The following ADAM30 variants were observed in gnomAD, a reference collection of about 807,000 sequenced individuals.
ADAM30 encodes the protein ADAM metallopeptidase domain 30, also known as disintegrin and metalloproteinase domain-containing protein 30.
For synonymous variants in ADAM30, 382 were observed against 340.9 expected, an observed-to-expected ratio of 1.12 and a Z score of -1.33; for missense variants, 960 against 959.4, an observed-to-expected ratio of 1.00 and a Z score of -0.01.
Position 119,894,005 on chromosome 1 carries a change from T to G in ADAM30, c.2332A>C (p.Lys778Gln). Residue 778 changes from lysine to glutamine, a missense_variant, in exon 1 of 1, where the codon AAA (lysine) becomes CAA (glutamine). Physicochemically the swap from Lys to Gln is moderately conservative, Grantham distance 53. Coordinates refer to ENST00000369400, the MANE Select transcript of ADAM30 (RefSeq NM_021794.4). ...TTGACACTCTTTGCTTTGGGTCGTT[T>G]ACTTTCAATGTTTGCTTTAGATTCT... ...QEESKANIES[K>Q]RPKAKSVKKQ... 1 of 1,613,166 alleles carries G rather than the reference T, an allele frequency of 6.2e-7. No individual in the cohort carries two copies. Among genetic ancestry groups the G allele is most frequent in the Non-Finnish European group, 8.5e-7 (1 of 1,179,860 alleles).
In ADAM30 at chr1:119,895,147, T is replaced by TAACC. The variant is rs771336391; in HGVS notation, c.1186_1189dup (p.Tyr397TrpfsTer5). 6.2e-7 allele frequency: 1 copy of TAACC among 1,614,188 alleles called. No individual in the cohort carries two copies. Among genetic ancestry groups the TAACC allele is most frequent in the Non-Finnish European group, 8.5e-7 (1 of 1,180,046 alleles). On this transcript the variant is annotated frameshift_variant, in exon 1 of 1. Coordinates refer to ENST00000369400, the MANE Select transcript of ADAM30 (RefSeq NM_021794.4). LOFTEE classifies it low-confidence loss of function (END_TRUNC). ...TTTGTTTCCACATCTCTTAAGCACA[T>TAACC]AACCTAGTCCTGGGATATTATTTAG...
In ADAM30 at chr1:119,895,880, G is replaced by A. The variant is rs1297325184; in HGVS notation, c.457C>T (p.Pro153Ser). Residue 153 changes from proline to serine, a missense_variant, in exon 1 of 1, where the codon CCC becomes TCC. By Grantham distance (74) the Pro-to-Ser change is moderately conservative. Transcript: ENST00000369400. ...AGATAGACGACATGTTCAAAACTGG[G>A]AGAGGCCTTGAGGGGCTCAATTTGG... ...HYQIEPLKAS[P>S]SFEHVVYLLK... 1 of 1,614,110 alleles carries A rather than the reference G, an allele frequency of 6.2e-7. No individual in the cohort carries two copies. Among genetic ancestry groups the A allele is most frequent in the Non-Finnish European group, 8.5e-7 (1 of 1,180,028 alleles).
rs1648530472 is a variant in ADAM30 at position 119,894,752 on chromosome 1, T to C, written c.1585A>G (p.Ile529Val). 1 of 1,614,190 alleles carries C rather than the reference T, an allele frequency of 6.2e-7. No individual in the cohort carries two copies. Among genetic ancestry groups the C allele is most frequent in the Non-Finnish European group, 8.5e-7 (1 of 1,179,986 alleles). Residue 529 changes from isoleucine (I) to valine (V), a missense_variant, in exon 1 of 1, where the codon ATA (isoleucine) becomes GTA (valine). Physicochemically the swap from Ile to Val is conservative, Grantham distance 29 (BLOSUM62 3). Coordinates refer to ENST00000369400, the MANE Select transcript of ADAM30 (RefSeq NM_021794.4). ...TCACAGTTACCAAATTGATCACCTA[T>C]TAAGTTAACTGCATCATAGCACTCA... ...PSECYDAVNL[I>V]GDQFGNCEIT...
chr1:119,895,437 T>C lies in ADAM30; in HGVS notation c.900A>G (p.Lys300=), dbSNP rs1571136030. The change falls in exon 1 of 1, where the codon AAA becomes AAG. Residue 300 remains lysine (K), a synonymous_variant. Transcript: ENST00000369400. ...ACGACCATGCAAGAGCATCATTATA[T>C]TTTCTTTGAAGATATAAATGTGCCC... ...SDWAHLYLQR[K]YNDALAWSFG... The C allele has an allele frequency of 1.2e-6, 2 of 1,613,754 alleles. No homozygotes were observed. Among genetic ancestry groups the C allele is most frequent in the Non-Finnish European group, 1.7e-6 (2 of 1,179,974 alleles).
rs1308146924 is a variant in ADAM30 at position 119,893,992 on chromosome 1, G to A, written c.2345C>T (p.Ala782Val). ...CTTTTTTTGTTTCTTGACACTCTTT[G>A]CTTTGGGTCGTTTACTTTCAATGTT... ...KANIESKRPK[A>V]KSVKKQKK Residue 782 changes from alanine to valine, a missense_variant, in exon 1 of 1, where the codon GCA becomes GTA. By Grantham distance (64) the Ala-to-Val change is moderately conservative. Transcript: ENST00000369400. The A allele has an allele frequency of 6.2e-7, 1 of 1,612,604 alleles. No individual in the cohort carries two copies. The highest frequency in any genetic ancestry group is 8.5e-7 in the Non-Finnish European group (1 of 1,179,726).
In ADAM30 at chr1:119,895,866, A is replaced by G. The variant is rs1648569645; in HGVS notation, c.471T>C (p.His157=). 6.2e-7 allele frequency: 1 copy of G among 1,614,208 alleles called. No individual in the cohort carries two copies. The highest frequency in any genetic ancestry group is 8.5e-7 in the Non-Finnish European group (1 of 1,180,038). The change falls in exon 1 of 1, where the codon CAT becomes CAC. Residue 157 remains histidine, a synonymous_variant. Transcript: ENST00000369400. ...GCTCTTTCTTCAGGAGATAGACGAC[A>G]TGTTCAAAACTGGGAGAGGCCTTGA... ...EPLKASPSFE[H]VVYLLKKEQF...
At position 119,895,214 on chromosome 1, in the gene ADAM30, A is replaced by C; in HGVS notation, c.1123T>G (p.Tyr375Asp). 9 of 1,614,232 alleles carry C rather than the reference A, an allele frequency of 5.6e-6. No individual in the cohort carries two copies. Among genetic ancestry groups the C allele is most frequent in the Non-Finnish European group, 7.6e-6 (9 of 1,180,044 alleles). The stretch of plus-strand genomic sequence containing the variant: ...GAGATATGTTTAAAAAAAGAGATAT[A>C]ACTGCAATTGCTAAACCCAGTGCGT... The part of the protein sequence containing the change: ...SGRTGFSNCS[Y>D]ISFFKHISSG... The change falls in exon 1 of 1, where the codon TAT becomes GAT. Residue 375 changes from tyrosine to aspartate, a missense_variant. Coordinates refer to ENST00000369400, the MANE Select transcript of ADAM30 (RefSeq NM_021794.4).
chr1:119,893,871 A>C lies in ADAM30; in HGVS notation c.*93T>G. 1 of 1,516,188 alleles carries C rather than the reference A, an allele frequency of 6.6e-7. No individual in the cohort carries two copies. The highest frequency in any genetic ancestry group is 8.8e-7 in the Non-Finnish European group (1 of 1,139,540). The allele number at this position is 1,516,188 out of a possible 1,614,324, so 93.9% of individuals were successfully genotyped here. A position where few individuals can be genotyped will look rare whatever the true frequency, so the allele number is the denominator to read the frequency against. On this transcript the variant is annotated 3_prime_UTR_variant, in exon 1 of 1. Transcript: ENST00000369400. ...AACTTGTGGGAAAAATTAAAGTAAAAAAATATTGGGAGAAGAATGGAAAGC... is the reference window on the plus strand; with the variant it reads ...AACTTGTGGGAAAAATTAAAGTAAACAAATATTGGGAGAAGAATGGAAAGC...
chr1:119,896,223 A>G lies in ADAM30; in HGVS notation c.114T>C (p.Phe38=). 1.9e-6 allele frequency: 3 copies of G among 1,614,194 alleles called. No individual in the cohort carries two copies. Among genetic ancestry groups the G allele is most frequent in the Non-Finnish European group, 2.5e-6 (3 of 1,180,014 alleles). ...CAGGAATGGTGACTTCATACGAGTC[A>G]AACTCCCCTTCAGGGTGAAAAATTA... The part of the protein sequence containing the change: ...EDVIFHPEGE[F]DSYEVTIPEK... The change falls in exon 1 of 1, where the codon TTT becomes TTC. Residue 38 remains phenylalanine, a synonymous_variant. Coordinates refer to ENST00000369400, the MANE Select transcript of ADAM30 (RefSeq NM_021794.4).
rs1648551851 is a variant in ADAM30 at position 119,895,384 on chromosome 1, G to A, written c.953C>T (p.Ala318Val). ...SFGKVCSLEY[A>V]GSVSTLLDTN... is the part of the protein sequence containing the mutation. ...ATCTAGTAAAGTACTCACTGATCCA[G>A]CATATTCTAGAGAACACACTTTTCC... The change falls in exon 1 of 1, where the codon GCT becomes GTT. Residue 318 changes from alanine (A) to valine (V), a missense_variant. Ala to Val is a moderately conservative substitution (Grantham distance 64). Transcript: ENST00000369400. The A allele has an allele frequency of 6.2e-7, 1 of 1,614,090 alleles. No individual in the cohort carries two copies. Among genetic ancestry groups the A allele is most frequent in the Non-Finnish European group, 8.5e-7 (1 of 1,180,010 alleles).
In ADAM30 at chr1:119,894,141, C is replaced by T. The variant is rs770014481; in HGVS notation, c.2196G>A (p.Gln732=). Residue 732 remains glutamine, a synonymous_variant, in exon 1 of 1, where the codon CAG becomes CAA. Coordinates refer to ENST00000369400, the MANE Select transcript of ADAM30 (RefSeq NM_021794.4). ...GTACAGTTTTTGTTTTAGATTCTTCCTGTTCAGTTTTTGCTTTGGATAGTG... is the reference window on the plus strand; with the variant it reads ...GTACAGTTTTTGTTTTAGATTCTTCTTGTTCAGTTTTTGCTTTGGATAGTG... ...KMPLSKAKTE[Q]EESKTKTVQE... is the part of the protein sequence containing the mutation. The T allele has an allele frequency of 6.2e-7, 1 of 1,613,670 alleles. No individual in the cohort carries two copies. Among genetic ancestry groups the T allele is most frequent in the South Asian group, 1.1e-5 (1 of 90,938 alleles).
Position 119,893,682 on chromosome 1 carries a change from A to G in ADAM30, c.*282T>C, listed in dbSNP as rs1648486349. The G allele has an allele frequency of 4.2e-6, 2 of 477,792 alleles. No homozygotes were observed. Among genetic ancestry groups the G allele is most frequent in the Admixed American group, 4.0e-5 (1 of 24,784 alleles). The allele number at this position is 477,792 out of a possible 1,614,324, so 29.6% of individuals were successfully genotyped here. On this transcript the variant is annotated 3_prime_UTR_variant, in exon 1 of 1. Coordinates refer to ENST00000369400, the MANE Select transcript of ADAM30 (RefSeq NM_021794.4). ...ATACCTTGAATAGCATGGTAATTCT[A>G]GGAAACTCACTACTTTCAGAGCTTT...
Position 119,895,548 on chromosome 1 carries a change from G to T in ADAM30, c.789C>A (p.Arg263=). ...LEVWTDFNKI[R]VGYPELAEVL... is the part of the protein sequence containing the mutation. ...CTTCAGCTAACTCTGGATATCCAAC[G>T]CGTATTTTGTTAAAATCTGTCCATA... The change falls in exon 1 of 1, where the codon CGC becomes CGA. Residue 263 remains arginine, a synonymous_variant. Coordinates refer to ENST00000369400, the MANE Select transcript of ADAM30 (RefSeq NM_021794.4). 6.2e-7 allele frequency: 1 copy of T among 1,613,682 alleles called. No individual in the cohort carries two copies. The highest frequency in any genetic ancestry group is 8.5e-7 in the Non-Finnish European group (1 of 1,179,998).
At position 119,895,951 on chromosome 1, in the gene ADAM30, C is replaced by A. The variant is rs1396074262; in HGVS notation, c.386G>T (p.Cys129Phe). The A allele has an allele frequency of 6.2e-7, 1 of 1,614,036 alleles. No individual in the cohort carries two copies. Among genetic ancestry groups the A allele is most frequent in the African/African-American group, 1.3e-5 (1 of 74,904 alleles). The change falls in exon 1 of 1, where the codon TGC becomes TTC. Residue 129 changes from cysteine (C) to phenylalanine (F), a missense_variant. Physicochemically the swap from Cys to Phe is radical, Grantham distance 205. Coordinates refer to ENST00000369400, the MANE Select transcript of ADAM30 (RefSeq NM_021794.4). ...SLDSKATIST[C>F]MGGLRGVFNI... ...AAATACACCTCGGAGACCCCCCATG[C>A]ATGTGCTTATAGTAGCTTTAGAGTC...
Position 119,894,335 on chromosome 1 carries a change from C to T in ADAM30, c.2002G>A (p.Gly668Arg), listed in dbSNP as rs1648510978. The T allele has an allele frequency of 6.2e-7, 1 of 1,614,192 alleles. No homozygotes were observed. The highest frequency in any genetic ancestry group is 1.7e-5 in the Admixed American group (1 of 60,036). ...CCTGGAGGCCCACTGTCAATGCTTC[C>T]TCCATACCCCACTTCCTCACAGAAT... is the stretch of plus-strand genomic sequence containing the variant. ...PPFCEEVGYGGSIDSGPPGLL... is the reference protein window; with the variant it reads ...PPFCEEVGYGRSIDSGPPGLL... Residue 668 changes from glycine to arginine, a missense_variant, in exon 1 of 1, where the codon GGA (glycine) becomes AGA (arginine). By Grantham distance (125) the Gly-to-Arg change is moderately radical (BLOSUM62 -2). Coordinates refer to ENST00000369400, the MANE Select transcript of ADAM30 (RefSeq NM_021794.4).
chr1:119,893,877 T>C lies in ADAM30; in HGVS notation c.*87A>G. The C allele has an allele frequency of 1.3e-6, 2 of 1,518,160 alleles. No homozygotes were observed. Among genetic ancestry groups the C allele is most frequent in the Middle Eastern group, 1.8e-4 (1 of 5,626 alleles). The allele number at this position is 1,518,160 out of a possible 1,614,324, so 94.0% of individuals were successfully genotyped here. ...TGGGAAAAATTAAAGTAAAAAAATA[T>C]TGGGAGAAGAATGGAAAGCCTTTGG... On this transcript the variant is annotated 3_prime_UTR_variant, in exon 1 of 1. Transcript: ENST00000369400.
chr1:119,894,416 G>A lies in ADAM30; in HGVS notation c.1921C>T (p.Arg641Trp), dbSNP rs984058539. 7.4e-6 allele frequency: 12 copies of A among 1,613,994 alleles called. No homozygotes were observed. Among genetic ancestry groups the A allele is most frequent in the African/African-American group, 1.3e-5 (1 of 74,890 alleles). Residue 641 changes from arginine (R) to tryptophan (W), a missense_variant, in exon 1 of 1, where the codon CGG becomes TGG. Physicochemically the swap from Arg to Trp is moderately radical, Grantham distance 101. Coordinates refer to ENST00000369400, the MANE Select transcript of ADAM30 (RefSeq NM_021794.4). ...TTTTTTCTGTTGTTGCAAACACCCC[G>A]GGTATTGCATTTCTCAGGCAAACAG... is the stretch of plus-strand genomic sequence containing the variant. ...FDCLPEKCNT[R>W]GVCNNRKNCH...
rs1648582096 is a variant in ADAM30 at position 119,896,126 on chromosome 1, T to A, written c.211A>T (p.Lys71Ter). ...GGCCACAAATGGAGGACGTGCTTCT[T>A]GCCTTTTAACTGCAGTAGGTAGGAC... ...PVSYLLQLKG[K>*]KHVLHLWPKR... Residue 71 changes from lysine (K) to a stop codon, truncating the protein, a stop_gained, in exon 1 of 1, where the codon AAG (lysine) becomes TAG (stop). Coordinates refer to ENST00000369400, the MANE Select transcript of ADAM30 (RefSeq NM_021794.4). LOFTEE classifies it low-confidence loss of function (END_TRUNC). 2.5e-6 allele frequency: 4 copies of A among 1,614,104 alleles called. No homozygotes were observed. Among genetic ancestry groups the A allele is most frequent in the Non-Finnish European group, 3.4e-6 (4 of 1,180,000 alleles).
At position 119,895,492 on chromosome 1, in the gene ADAM30, CTTTT is replaced by C; in HGVS notation, c.841_844del (p.Lys281ValfsTer3). On this transcript the variant is annotated frameshift_variant, in exon 1 of 1. Coordinates refer to ENST00000369400, the MANE Select transcript of ADAM30 (RefSeq NM_021794.4). LOFTEE classifies it low-confidence loss of function (END_TRUNC). ...TGATGACAGGCGAGCATTTAATACACTTTTTTTATATATTACAAATCTGCCTAAA... is the reference window on the plus strand; with the variant it reads ...TGATGACAGGCGAGCATTTAATACACTTTATATATTACAAATCTGCCTAAA... 1 of 1,613,830 alleles carries C rather than the reference CTTTT, an allele frequency of 6.2e-7. No individual in the cohort carries two copies. The highest frequency in any genetic ancestry group is 8.5e-7 in the Non-Finnish European group (1 of 1,179,996).
Sources: gnomAD v4.1 joint callset for allele counts on GRCh38, gnomAD v4.1.1 for gene constraint, MANE v1.5 for transcripts, NCBI Gene and HGNC (gene_info 2026-07-23, HGNC 2026-07-21) for gene names.